DNM1L: variants seen among roughly 807,000 people sequenced by gnomAD.
DNM1L encodes the protein dynamin-1-like protein.
A neutral mutation model predicts 92.8 loss-of-function variants in DNM1L; 33 were observed. The ratio of observed to expected loss-of-function variants is 0.36; its 90% CI spans 0.27 to 0.48. The LOEUF (loss-of-function observed/expected upper bound fraction) is 0.48, where lower values mean the gene tolerates loss of function less well. DNM1L is among the 20% of genes least tolerant of loss of function. The probability of loss-of-function intolerance (pLI) is 0.99; values close to 1 mark genes in which losing one functional copy is unlikely to be tolerated. For synonymous variants in DNM1L, 284 were observed against 305.0 expected, an observed-to-expected ratio of 0.93 and a Z score of 0.72; for missense variants, 485 against 888.8, an observed-to-expected ratio of 0.55 and a Z score of 5.78.
At chr12:32,679,574 G>C in intron 1 of DNM1L, 109 bp downstream of exon 1, 1 of 1,448,026 alleles carries the variant, frequency 6.9e-7, no homozygotes, top group South Asian at 1.2e-5. Context: ...GCCAGCCTTT[G>C]GGGCCTGTGG....
intron 4 of DNM1L, chr12:32,709,756 G>A (rs1953053540): frequency 6.6e-6 from 1 of 152,160 alleles, no homozygotes; most frequent in Non-Finnish European, 1.5e-5. Flanking sequence ...GCTTTGTATT[G>A]GACTGATAGG....
intron 18 of DNM1L, 109 bp from the exon 19 acceptor site, chr12:32,742,480 A>C: frequency 1.5e-6 from 2 of 1,330,522 alleles, no homozygotes; most frequent in Non-Finnish European, 2.1e-6. Context: ...TGAAATATCC[A>C]AAGTAGTAGT....
intron 1 of DNM1L, among the ~76,000 whole-genome samples, chr12:32,696,253 G>C (rs1301440573): frequency 6.6e-6 from 1 of 152,046 alleles, no homozygotes; most frequent in Non-Finnish European, 1.5e-5. Context: ...AGGAAAATCA[G>C]GGCCAGGTGT....
Position 32,744,702 on chromosome 12 carries a change from A to T in DNM1L, c.*1292A>T, listed in dbSNP as rs761013691. The T allele has an allele frequency of 2.8e-5, 10 of 355,286 alleles. No homozygotes were observed. Among genetic ancestry groups the T allele is most frequent in the Non-Finnish European group, 5.4e-5 (10 of 186,404 alleles). The allele number at this position is 355,286 out of a possible 1,614,324, so 22.0% of individuals were successfully genotyped here. On this transcript the variant is annotated 3_prime_UTR_variant, in exon 20 of 20. Coordinates refer to ENST00000549701, the MANE Select transcript of DNM1L (RefSeq NM_012062.5). The stretch of plus-strand genomic sequence containing the variant: ...CACTCCAGCCTTGGCAACAAGAGCG[A>T]AACTCCGTCTCAAAAAAAAAAAATA...
chr12:32,739,708 C>T (rs756817983), intron 16 of DNM1L: 6 of 234,684 alleles, frequency 2.6e-5, no homozygotes, highest in South Asian at 6.7e-5. Context: ...GTGCTTTTAA[C>T]GAGTAGTTTT....
chr12:32,713,189 C>T lies in DNM1L; in HGVS notation c.457-20C>T. Reference sequence around the variant, plus strand: ...TTGATTTTTAATTATTAGTTCCTTGCTCATCTCTGTTTGGTTTAGGTGCCT... The same window carrying T: ...TTGATTTTTAATTATTAGTTCCTTGTTCATCTCTGTTTGGTTTAGGTGCCT... On this transcript the variant is annotated intron_variant, in intron 5 of 19. Coordinates refer to ENST00000549701, the MANE Select transcript of DNM1L (RefSeq NM_012062.5). The T allele has an allele frequency of 6.2e-7, 1 of 1,613,410 alleles. No individual in the cohort carries two copies. Among genetic ancestry groups the T allele is most frequent in the Non-Finnish European group, 8.5e-7 (1 of 1,179,706 alleles).
In DNM1L at chr12:32,701,539, G is replaced by A. The variant is rs775172506; in HGVS notation, c.227G>A (p.Arg76Gln). 2.5e-5 allele frequency: 41 copies of A among 1,613,460 alleles called. No individual in the cohort carries two copies. Among genetic ancestry groups the A allele is most frequent in the Non-Finnish European group, 3.2e-5 (38 of 1,179,784 alleles). ...GTCCATGTTTCACAAGAAGATAAACGGAAAACAACAGGAGAAGAAAATGGT... is the reference window on the plus strand; with the variant it reads ...GTCCATGTTTCACAAGAAGATAAACAGAAAACAACAGGAGAAGAAAATGGT... ...QLVHVSQEDK[R>Q]KTTGEENGVE... Residue 76 changes from arginine (R) to glutamine (Q), a missense_variant, in exon 2 of 20, where the codon CGG (arginine) becomes CAG (glutamine). Arg to Gln is a conservative substitution (Grantham distance 43). This residue lies in a region of DNM1L where 159 missense variants were observed against 275.9 expected (regional missense o/e 0.58). Transcript: ENST00000549701.
chr12:32,704,803 G>T (rs1952856002), intron 2 of DNM1L, among the ~76,000 whole-genome samples: 1 of 152,112 alleles, frequency 6.6e-6, no homozygotes, highest in Non-Finnish European at 1.5e-5. Flanking sequence ...TTAACTTTCT[G>T]CAGTGTTCTA....
rs1484983833 is a variant in DNM1L at position 32,731,662 on chromosome 12, TGTA to T, written c.1356+154_1356+156del. ...AGTGATTTGAAATAGGATTCTTAAA[TGTA>T]GTCTCCAAATTGAATTCAGTATTTC... On this transcript the variant is annotated intron_variant, in intron 11 of 19. Transcript: ENST00000549701. This position sits in a 1 kb window ranked among gnomAD's most constrained non-coding sequence, Gnocchi z 5.1. 1 of 1,126,602 alleles carries T rather than the reference TGTA, an allele frequency of 8.9e-7. No individual in the cohort carries two copies. Among genetic ancestry groups the T allele is most frequent in the African/African-American group, 1.6e-5 (1 of 64,418 alleles). The allele number at this position is 1,126,602 out of a possible 1,614,324, so 69.8% of individuals were successfully genotyped here.
intron 1 of DNM1L, among the ~76,000 whole-genome samples, chr12:32,681,957 G>T (rs1024157475): frequency 2.0e-5 from 3 of 151,772 alleles, no homozygotes; most frequent in African/African-American, 7.3e-5. Context: ...TTCTGCGATG[G>T]CACTCCAGCC....
chr12:32,731,270 A>G lies in DNM1L; in HGVS notation c.1201-86A>G. On this transcript the variant is annotated intron_variant, in intron 10 of 19. Transcript: ENST00000549701. This position sits in a 1 kb window ranked among gnomAD's most constrained non-coding sequence, Gnocchi z 5.1. ...TTGAAATTAAAAAGCATTTTTCATG[A>G]AAAGTACCAAAAATGTGACTTTCTT... is the stretch of plus-strand genomic sequence containing the variant. 2.0e-6 allele frequency: 3 copies of G among 1,478,760 alleles called. No individual in the cohort carries two copies. In the South Asian group the frequency reaches 3.5e-5, roughly 17 times the overall value. The allele number at this position is 1,478,760 out of a possible 1,614,324, so 91.6% of individuals were successfully genotyped here.
intron 7 of DNM1L, among the ~76,000 whole-genome samples, chr12:32,719,852 T>G (rs1953724412): frequency 6.6e-6 from 1 of 152,194 alleles, no homozygotes; most frequent in Non-Finnish European, 1.5e-5. Flanking sequence ...AACCTCAGGT[T>G]ATACATTTAA....
chr12:32,744,300 G>C lies in DNM1L; in HGVS notation c.*890G>C. The C allele has an allele frequency of 6.6e-6, 1 of 152,396 alleles. No homozygotes were observed. The highest frequency in any genetic ancestry group is 1.9e-4 in the East Asian group (1 of 5,206). The allele number at this position is 152,396 out of a possible 1,614,324, so 9.4% of individuals were successfully genotyped here. On this transcript the variant is annotated 3_prime_UTR_variant, in exon 20 of 20. Transcript: ENST00000549701. Reference sequence around the variant, plus strand: ...ACCAGGCTCTAAGATTCACTTTGAGGTGGAACTTAAAACCAGTGTACTGTA... The same window carrying C: ...ACCAGGCTCTAAGATTCACTTTGAGCTGGAACTTAAAACCAGTGTACTGTA...
chr12:32,734,453 G>A (rs1208318924), intron 13 of DNM1L, among the ~76,000 whole-genome samples: 1 of 152,120 alleles, frequency 6.6e-6, no homozygotes, highest in Admixed American at 6.6e-5. Flanking sequence ...TGAGAAAATT[G>A]TAAACATGCA....
intron 1 of DNM1L, among the ~76,000 whole-genome samples, chr12:32,690,548 G>A (rs1952190617): frequency 6.6e-6 from 1 of 152,074 alleles, no homozygotes; most frequent in Non-Finnish European, 1.5e-5. Flanking sequence ...TTCTACATCT[G>A]CATCAAAAGT....
chr12:32,711,111 C>A, intron 5 of DNM1L, 96 bp downstream of exon 5: 1 of 1,059,952 alleles, frequency 9.4e-7, no homozygotes, highest in Non-Finnish European at 1.5e-6. Flanking sequence ...TCACTTTGAT[C>A]TGTTAGCAGC....
intron 6 of DNM1L, among the ~76,000 whole-genome samples, chr12:32,716,858 T>C (rs1057025338): frequency 2.7e-4 from 40 of 146,936 alleles, no homozygotes; most frequent in African/African-American, 9.1e-4. Flanking sequence ...CTGCTGTAGA[T>C]ATTTGCATAT....
At chr12:32,738,229 T>C (rs372000298) in intron 15 of DNM1L, 35 bp from the exon 16 acceptor site, 61 of 1,612,162 alleles carry the variant, frequency 3.8e-5, no homozygotes, top group Non-Finnish European at 4.3e-5. Context: ...AAATTTTGCT[T>C]GTTAAATTGC....
intron 1 of DNM1L, chr12:32,679,742 G>A (rs1298005717): frequency 5.3e-6 from 6 of 1,125,970 alleles, no homozygotes; most frequent in Admixed American, 5.0e-5. Context: ...GACAGGAGAG[G>A]GAAGGATGGG....
Sources: allele counts gnomAD v4.1 joint callset (sites outside exome capture counted in the v4.1 genomes callset), GRCh38; gene constraint gnomAD v4.1.1; regional missense constraint gnomAD v4.1.1; non-coding constraint Gnocchi (gnomAD v3.1); transcripts MANE v1.5; gene names NCBI Gene and HGNC (gene_info 2026-07-23, HGNC 2026-07-21).